Variants in SLC9C2 observed in about 807,000 individuals in gnomAD.
SLC9C2 encodes the protein solute carrier family 9 member C2 (putative), also known as sodium/hydrogen exchanger 11.
SLC9C2 carries 75 observed loss-of-function variants against 140.2 expected under a neutral mutation model. The ratio of observed to expected loss-of-function variants is 0.53; its 90% CI spans 0.44 to 0.65. The LOEUF (loss-of-function observed/expected upper bound fraction) is 0.65, where lower values mean the gene tolerates loss of function less well. SLC9C2 is among the 30% of genes least tolerant of loss of function. The pLI, the probability that SLC9C2 is intolerant of heterozygous loss-of-function variation, is 0.00. For synonymous variants in SLC9C2, 375 were observed against 420.9 expected (o/e 0.89, Z 1.34); for missense variants, 1,074 against 1,331.8 (o/e 0.81, Z 3.01).
chr1:173,545,004 A>T (rs1303791569), intron 13 of SLC9C2, among the ~76,000 whole-genome samples: 1 of 152,210 alleles, frequency 6.6e-6, no homozygotes, highest in East Asian at 1.9e-4. Flanking sequence ...CTTAAAGTAT[A>T]ATTTAAAAAA....
intron 22 of SLC9C2, among the ~76,000 whole-genome samples, chr1:173,520,610 A>G (rs1660738323): frequency 6.6e-6 from 1 of 152,358 alleles, no homozygotes; most frequent in African/African-American, 2.4e-5. Context: ...GAGTGAATGA[A>G]TGAATGAAAA....
chr1:173,542,027 A>G (rs561696309), intron 13 of SLC9C2, among the ~76,000 whole-genome samples: 144 of 152,256 alleles, frequency 9.5e-4, no homozygotes, highest in Middle Eastern at 3.4e-3. Flanking sequence ...AACTGAAGGA[A>G]ATAGAGGCAT....
Position 173,501,054 on chromosome 1 carries a change from T to G in SLC9C2, c.*40A>C. ...TTTAACCTGACTCCACACATCATAT[T>G]TGTATCATTAATACCCTTTTCTAAA... On this transcript the variant is annotated 3_prime_UTR_variant, in exon 28 of 28. Coordinates refer to ENST00000367714, the MANE Select transcript of SLC9C2 (RefSeq NM_178527.4). The G allele has an allele frequency of 6.6e-7, 1 of 1,505,796 alleles. No individual in the cohort carries two copies. Among genetic ancestry groups the G allele is most frequent in the Non-Finnish European group, 8.9e-7 (1 of 1,129,386 alleles). The allele number at this position is 1,505,796 out of a possible 1,614,324, so 93.3% of individuals were successfully genotyped here. A position where few individuals can be genotyped will look rare whatever the true frequency, so the allele number is the denominator to read the frequency against.
rs189397270 is a variant in SLC9C2, at chr1:173,597,754, T to G, written c.357+150A>C. ...AATTCCTTTCCTCTCCCTTCAATTC[T>G]TTTTAGTTAGTAGTTCTATAGAATG... On this transcript the variant is annotated intron_variant, in intron 4 of 27. Coordinates refer to ENST00000367714, the MANE Select transcript of SLC9C2 (RefSeq NM_178527.4). 1.6e-3 allele frequency: 1,165 copies of G among 732,072 alleles called. 5 individuals are homozygous for G. Among genetic ancestry groups the G allele is most frequent in the Non-Finnish European group, 1.7e-3 (827 of 490,604 alleles). 45.3% of individuals were successfully genotyped at this position (732,072 alleles called of 1,614,324 possible).
chr1:173,514,525 C>G (rs1428233994), intron 23 of SLC9C2, among the ~76,000 whole-genome samples: 2 of 152,048 alleles, frequency 1.3e-5, no homozygotes, highest in African/African-American at 4.8e-5. Context: ...TTCCTCCACC[C>G]CTTTATTTTG....
intron 13 of SLC9C2, among the ~76,000 whole-genome samples, chr1:173,543,765 T>C (rs549487938): frequency 6.6e-6 from 1 of 152,366 alleles, no homozygotes; most frequent in South Asian, 2.1e-4. Flanking sequence ...AAGGATTCCC[T>C]ATTTAATAAA....
chr1:173,526,594 G>C, intron 19 of SLC9C2, 69 bp downstream of exon 19: 2 of 1,310,896 alleles, frequency 1.5e-6, no homozygotes, highest in Non-Finnish European at 2.1e-6. Flanking sequence ...AGCATGAATT[G>C]TTCTTCTTTT....
chr1:173,512,109 TG>T, intron 23 of SLC9C2, among the ~76,000 whole-genome samples: 1 of 152,322 alleles, frequency 6.6e-6, no homozygotes, highest in African/African-American at 2.4e-5. Context: ...TTGTTCTTTT[TG>T]CTTACGATTG....
intron 9 of SLC9C2, among the ~76,000 whole-genome samples, chr1:173,567,573 A>G (rs1664555534): frequency 6.6e-6 from 1 of 152,006 alleles, no homozygotes. Context: ...TTTTTCTTGG[A>G]GACAACAGAT....
intron 13 of SLC9C2, among the ~76,000 whole-genome samples, chr1:173,540,726 T>A (rs1439873016): frequency 6.6e-6 from 1 of 152,196 alleles, no homozygotes; most frequent in Non-Finnish European, 1.5e-5. Flanking sequence ...TTTGTTAGCT[T>A]CATATGATAA....
chr1:173,570,570 G>T (rs1664777122), intron 9 of SLC9C2, among the ~76,000 whole-genome samples: 1 of 151,756 alleles, frequency 6.6e-6, no homozygotes, highest in South Asian at 2.1e-4. Flanking sequence ...ACTAGGTCAC[G>T]CACTGCCCCG....
intron 18 of SLC9C2, 31 bp from the exon 19 acceptor site, chr1:173,526,745 T>C: frequency 7.2e-7 from 1 of 1,397,808 alleles, no homozygotes; most frequent in Non-Finnish European, 9.6e-7. Context: ...CATGTATTTC[T>C]TATTATTCAT....
chr1:173,557,483 G>A lies in SLC9C2; in HGVS notation c.1072C>T (p.Pro358Ser). Residue 358 changes from proline (P) to serine (S), a missense_variant, in exon 10 of 28, where the codon CCT becomes TCT. By Grantham distance (74) the Pro-to-Ser change is moderately conservative. Transcript: ENST00000367714. The part of the protein sequence containing the change: ...VRLLTILLVS[P>S]ILMHSNYEYN... ...TCATAATTTGAATGCATCAAAATAG[G>A]GCTCACTAACAAAATAGTAAGCAAC... The A allele has an allele frequency of 6.2e-7, 1 of 1,612,398 alleles. No homozygotes were observed. The highest frequency in any genetic ancestry group is 8.5e-7 in the Non-Finnish European group (1 of 1,179,550).
intron 9 of SLC9C2, chr1:173,571,836 T>G (rs1227164625): frequency 6.6e-6 from 1 of 152,228 alleles, no homozygotes; most frequent in Admixed American, 6.5e-5. Context: ...AATAATGTTT[T>G]GTTTTAAAAC....
At chr1:173,506,430 A>C (rs1057184053) in intron 25 of SLC9C2, among the ~76,000 whole-genome samples, 1 of 152,238 alleles carries the variant, frequency 6.6e-6, no homozygotes, top group Non-Finnish European at 1.5e-5. Context: ...AGGATCTACT[A>C]TCAAGTGCCC....
Position 173,516,421 on chromosome 1 carries a change from GCCTAGTAC to G in SLC9C2, c.2907+1108_2907+1115del, listed in dbSNP as rs532268823. Among the ~76,000 whole-genome samples, 638 of 152,186 alleles carry G rather than the reference GCCTAGTAC, an allele frequency of 4.2e-3. 6 individuals are homozygous for G. Among genetic ancestry groups the G allele is most frequent in the African/African-American group, 0.015 (605 of 41,542 alleles). On this transcript the variant is annotated intron_variant, in intron 23 of 27. Coordinates refer to ENST00000367714, the MANE Select transcript of SLC9C2 (RefSeq NM_178527.4). ...GATTATTTCATCACCCATGTATTAA[GCCTAGTAC>G]CCGTAGTTATTTTTCCTGATTCTCT...
At chr1:173,538,454 C>T (rs534217772) in intron 13 of SLC9C2, among the ~76,000 whole-genome samples, 8 of 143,212 alleles carry the variant, frequency 5.6e-5, no homozygotes, top group African/African-American at 2.1e-4. Context: ...TAAATGCCTA[C>T]TCTGTTCCAA....
chr1:173,602,678 T>G (rs1175386041), intron 1 of SLC9C2, 73 bp downstream of exon 1: 1 of 152,214 alleles, frequency 6.6e-6, no homozygotes, highest in East Asian at 1.9e-4. Context: ...CTGTTTTATT[T>G]TTCCTTGCAG....
chr1:173,521,332 C>G lies in SLC9C2; in HGVS notation c.2708G>C (p.Gly903Ala), dbSNP rs867400953. The G allele has an allele frequency of 6.5e-7, 1 of 1,549,056 alleles. No individual in the cohort carries two copies. The highest frequency in any genetic ancestry group is 2.5e-5 in the East Asian group (1 of 40,524). The part of the protein sequence containing the change: ...TICKGGEMPQ[G>A]IYLIISGMAI... ...CATTCCTGAAATAATTAAGTAGATTCCTTGTGGCATTTCACCTCCTTTACA... is the reference window on the plus strand; with the variant it reads ...CATTCCTGAAATAATTAAGTAGATTGCTTGTGGCATTTCACCTCCTTTACA... The change falls in exon 22 of 28, where the codon GGA becomes GCA. Residue 903 changes from glycine (G) to alanine (A), a missense_variant. Transcript: ENST00000367714.
Sources: gnomAD v4.1 joint callset for allele counts (sites outside exome capture counted in the v4.1 genomes callset) on GRCh38, gnomAD v4.1.1 for gene constraint, MANE v1.5 for transcripts, NCBI Gene and HGNC (gene_info 2026-07-23, HGNC 2026-07-21) for gene names.